CCDC178: variants seen among roughly 807,000 people sequenced by gnomAD.
CCDC178 encodes coiled-coil domain containing 178, also known as coiled-coil domain-containing protein 178.
A neutral mutation model predicts 117.4 loss-of-function variants in CCDC178; 126 were observed. The observed-to-expected ratio is 1.07, with a 90% CI of 0.93 to 1.24. The LOEUF is 1.24. Ranked by LOEUF, CCDC178 falls within the 50% of genes most tolerant of loss-of-function variation. The pLI is 0.00. For synonymous variants in CCDC178, 283 were observed against 313.4 expected, an observed-to-expected ratio of 0.90 and a Z score of 1.02; for missense variants, 1,030 against 986.9, an observed-to-expected ratio of 1.04 and a Z score of -0.59.
At chr18:33,242,334 A>C (rs996380494) in intron 15 of CCDC178, among the ~76,000 whole-genome samples, 2 of 151,898 alleles carry the variant, frequency 1.3e-5, no homozygotes, top group Non-Finnish European at 2.9e-5. Flanking sequence ...GCTTCAGAAC[A>C]TTGGCCCAAG....
At chr18:33,219,734 T>C (rs959763947) in intron 18 of CCDC178, among the ~76,000 whole-genome samples, 1 of 151,802 alleles carries the variant, frequency 6.6e-6, no homozygotes, top group African/African-American at 2.4e-5. Context: ...ATGAGAACAC[T>C]TGGACACAGG....
intron 3 of CCDC178, among the ~76,000 whole-genome samples, chr18:33,403,241 A>C (rs1167946290): frequency 6.6e-6 from 1 of 152,172 alleles, no homozygotes; most frequent in East Asian, 1.9e-4. Context: ...GCAAAGACAG[A>C]GATTTGATTC....
intron 21 of CCDC178, among the ~76,000 whole-genome samples, chr18:33,021,611 C>T (rs1380491668): frequency 6.6e-6 from 1 of 152,184 alleles, no homozygotes. Context: ...AAGTATCACT[C>T]CCCTGCTTTC....
chr18:33,199,342 A>G (rs557789126), intron 20 of CCDC178, among the ~76,000 whole-genome samples: 15 of 152,104 alleles, frequency 9.9e-5, no homozygotes, highest in Non-Finnish European at 2.1e-4. Flanking sequence ...CTGCCACTCA[A>G]TGGTCTCCTG....
rs1433673528 is a variant in CCDC178 at position 32,996,227 on chromosome 18, T to C, written c.2389-21546A>G. ...AAAACAACAGCAAGAAAACCCACTA[T>C]AAAATCTGTAGTAATAAAGTTACAA... On this transcript the variant is annotated intron_variant, in intron 21 of 22. Coordinates refer to ENST00000383096, the MANE Select transcript of CCDC178 (RefSeq NM_001105528.4). Among the ~76,000 whole-genome samples the C allele has an allele frequency of 2.0e-5, 3 of 151,960 alleles. No individual in the cohort carries two copies. The East Asian group carries it at 5.8e-4, about 29-fold the overall frequency.
chr18:33,405,522 G>C (rs1406270941), intron 3 of CCDC178, among the ~76,000 whole-genome samples: 3 of 151,698 alleles, frequency 2.0e-5, no homozygotes, highest in Admixed American at 2.0e-4. Context: ...GATGTCAAAT[G>C]ACAATTAGAT....
At chr18:33,397,863 C>T (rs186459887) in intron 3 of CCDC178, among the ~76,000 whole-genome samples, 235 of 151,994 alleles carry the variant, frequency 1.5e-3, no homozygotes, top group Non-Finnish European at 2.8e-3. Flanking sequence ...TATGTAGGAA[C>T]ATATTTAATA....
intron 15 of CCDC178, among the ~76,000 whole-genome samples, chr18:33,227,756 C>G (rs1373433679): frequency 1.3e-5 from 2 of 151,586 alleles, no homozygotes; most frequent in Non-Finnish European, 2.9e-5. Context: ...ATATAGCAAA[C>G]CAGCAAAATT....
At chr18:33,356,469 C>T in intron 6 of CCDC178, 123 bp from the exon 7 acceptor site, 2 of 1,019,922 alleles carry the variant, frequency 2.0e-6, no homozygotes, top group Non-Finnish European at 2.7e-6. Context: ...TTTTTGTGTA[C>T]TTATACTCTC....
At chr18:33,085,187 AAAT>A (rs1206037426) in intron 21 of CCDC178, among the ~76,000 whole-genome samples, 2 of 152,232 alleles carry the variant, frequency 1.3e-5, no homozygotes, top group African/African-American at 4.8e-5. Context: ...ATATTTATCT[AAAT>A]AATAGAAATA....
chr18:33,012,133 TTAGA>T (rs1286667349), intron 21 of CCDC178, among the ~76,000 whole-genome samples: 4 of 152,228 alleles, frequency 2.6e-5, no homozygotes, highest in Non-Finnish European at 4.4e-5. Flanking sequence ...GTTTCTTTCA[TTAGA>T]TAAAGTCACA....
intron 21 of CCDC178, among the ~76,000 whole-genome samples, chr18:33,080,088 T>C (rs949969233): frequency 2.0e-5 from 3 of 152,190 alleles, no homozygotes; most frequent in African/African-American, 4.8e-5. Flanking sequence ...TGGAACACTA[T>C]GCAGCCATAA....
At chr18:33,015,671 G>A (rs1351326714) in intron 21 of CCDC178, among the ~76,000 whole-genome samples, 2 of 151,674 alleles carry the variant, frequency 1.3e-5, no homozygotes, top group South Asian at 4.1e-4. Flanking sequence ...CCCAGATGTT[G>A]GATTTACTAG....
intron 4 of CCDC178, among the ~76,000 whole-genome samples, chr18:33,390,281 T>A (rs2063548500): frequency 6.6e-6 from 1 of 151,948 alleles, no homozygotes. Flanking sequence ...TATTTGACAT[T>A]TTCTTATAAA....
chr18:32,973,295 A>ATCGTGCAATATATT (rs2054966922), intron 22 of CCDC178, among the ~76,000 whole-genome samples: 1 of 152,154 alleles, frequency 6.6e-6, no homozygotes, highest in Non-Finnish European at 1.5e-5. Context: ...AGATTTTTCT[A>ATCGTGCAATATATT]AGATACTAAT....
chr18:33,396,075 T>A (rs989449293), intron 4 of CCDC178, among the ~76,000 whole-genome samples: 2 of 152,108 alleles, frequency 1.3e-5, no homozygotes, highest in African/African-American at 4.8e-5. Context: ...CTAGTATTCA[T>A]ATTACACAAG....
intron 21 of CCDC178, among the ~76,000 whole-genome samples, chr18:33,062,509 A>G (rs2056940641): frequency 6.6e-6 from 1 of 152,206 alleles, no homozygotes; most frequent in Non-Finnish European, 1.5e-5. Context: ...GAAGTAAAGC[A>G]GCCAACCTGG....
intron 2 of CCDC178, among the ~76,000 whole-genome samples, chr18:33,422,108 T>C (rs957277826): frequency 6.6e-6 from 1 of 152,220 alleles, no homozygotes; most frequent in African/African-American, 2.4e-5. Flanking sequence ...AGGGAGCTCA[T>C]ACATCCTCTT....
intron 11 of CCDC178, among the ~76,000 whole-genome samples, chr18:33,310,909 A>G (rs1345093537): frequency 1.3e-5 from 2 of 152,146 alleles, no homozygotes; most frequent in Non-Finnish European, 2.9e-5. Flanking sequence ...CAACCCAGAC[A>G]GTAACCCAGA....
Sources: allele counts gnomAD v4.1 joint callset (sites outside exome capture counted in the v4.1 genomes callset), GRCh38; gene constraint gnomAD v4.1.1; transcripts MANE v1.5; gene names NCBI Gene and HGNC (gene_info 2026-07-23, HGNC 2026-07-21).